Variants in CRACD observed in about 807,000 individuals in gnomAD.
CRACD encodes the protein capping protein inhibiting regulator of actin dynamics.
In CRACD, 56 loss-of-function variants were observed where a neutral mutation model predicts 106.8. The ratio of observed to expected loss-of-function variants is 0.52; its 90% CI spans 0.42 to 0.66. The LOEUF (loss-of-function observed/expected upper bound fraction) is 0.66, where lower values mean the gene tolerates loss of function less well. Among genes scored for constraint, CRACD ranks in the 30% least tolerant of loss-of-function variants. The probability of loss-of-function intolerance (pLI) is 0.00; values close to 1 mark genes in which losing one functional copy is unlikely to be tolerated. For synonymous variants in CRACD, 754 were observed against 670.8 expected, an observed-to-expected ratio of 1.12 and a Z score of -1.92; for missense variants, 1,730 against 1,623.2, an observed-to-expected ratio of 1.07 and a Z score of -1.13.
intron 1 of CRACD, among the ~76,000 whole-genome samples, chr4:56,111,342 G>A (rs780706455): frequency 1.4e-4 from 20 of 145,450 alleles, no homozygotes; most frequent in Non-Finnish European, 2.7e-4. Context: ...ATGTGAACGT[G>A]GTTGCCTCTG....
Position 56,314,376 on chromosome 4 carries a change from C to A in CRACD, c.874C>A (p.Gln292Lys). Residue 292 changes from glutamine to lysine, a missense_variant, in exon 8 of 11, where the codon CAG becomes AAG. Physicochemically the swap from Gln to Lys is moderately conservative, Grantham distance 53 (BLOSUM62 1). Around this residue, in one of 5 missense-constraint regions of CRACD, gnomAD observed 1,620 missense variants for 1,481.6 expected, o/e 1.09. Transcript: ENST00000682029. The surrounding 1 kb of genome is among the most constrained non-coding windows in gnomAD (Gnocchi z 4.4). ...GGAAAGGGCGCCGCGGGAAGAGCAG[C>A]AGCGGAGCCTGGAAGCGCCAGGTTG... ...EAERAPREEQ[Q>K]RSLEAPGWED... 6.5e-7 allele frequency: 1 copy of A among 1,546,068 alleles called. No individual in the cohort carries two copies. Among genetic ancestry groups the A allele is most frequent in the Non-Finnish European group, 8.7e-7 (1 of 1,145,608 alleles).
chr4:56,116,587 A>G (rs1049687688), intron 1 of CRACD, among the ~76,000 whole-genome samples: 7 of 152,204 alleles, frequency 4.6e-5, no homozygotes, highest in Non-Finnish European at 7.3e-5. Flanking sequence ...CAAGTTTGTC[A>G]AATCTGTGCT....
intron 1 of CRACD, among the ~76,000 whole-genome samples, chr4:56,171,070 A>G (rs1441368236): frequency 6.6e-6 from 1 of 152,196 alleles, no homozygotes; most frequent in African/African-American, 2.4e-5. Context: ...GAAAGAAACA[A>G]ATAAGATTTT....
rs1180325120 is a variant in CRACD, at chr4:56,314,486, A to G, written c.984A>G (p.Gln328=). 2.0e-6 allele frequency: 3 copies of G among 1,523,210 alleles called. No individual in the cohort carries two copies. The highest frequency in any genetic ancestry group is 2.5e-5 in the East Asian group (1 of 40,708). 94.4% of individuals were successfully genotyped at this position (1,523,210 alleles called of 1,614,324 possible). ...GAAGGCGTCTGCAGGCCCAGGCCCAAGCGGAGGAGAGGCGGCGGCTGGAGG... is the reference window on the plus strand; with the variant it reads ...GAAGGCGTCTGCAGGCCCAGGCCCAGGCGGAGGAGAGGCGGCGGCTGGAGG... ...EERRRLQAQA[Q]AEERRRLEED... Residue 328 remains glutamine (Q), a synonymous_variant, in exon 8 of 11, where the codon CAA becomes CAG. Transcript: ENST00000682029. This position sits in a 1 kb window ranked among gnomAD's most constrained non-coding sequence, Gnocchi z 4.4.
At chr4:56,106,314 C>A (rs1733947902) in intron 1 of CRACD, among the ~76,000 whole-genome samples, 1 of 152,194 alleles carries the variant, frequency 6.6e-6, no homozygotes, top group African/African-American at 2.4e-5. Context: ...GAATTATAAA[C>A]CGTAAACAAC....
intron 1 of CRACD, among the ~76,000 whole-genome samples, chr4:56,136,726 T>G (rs1735013195): frequency 6.6e-6 from 1 of 152,228 alleles, no homozygotes; most frequent in Non-Finnish European, 1.5e-5. Flanking sequence ...TGTTCTTAAC[T>G]GTATCTTTTG....
At chr4:56,280,808 A>G (rs1236635671) in intron 3 of CRACD, among the ~76,000 whole-genome samples, 1 of 152,210 alleles carries the variant, frequency 6.6e-6, no homozygotes, top group Non-Finnish European at 1.5e-5. Context: ...CATGTTACCA[A>G]TGAAGTTATA....
chr4:56,130,139 C>T (rs1271298219), intron 1 of CRACD, among the ~76,000 whole-genome samples: 1 of 152,022 alleles, frequency 6.6e-6, no homozygotes, highest in South Asian at 2.1e-4. Flanking sequence ...GATATGGTGG[C>T]ACCCACCTGT....
At chr4:56,248,474 A>T (rs1232904016) in intron 2 of CRACD, among the ~76,000 whole-genome samples, 1 of 151,590 alleles carries the variant, frequency 6.6e-6, no homozygotes, top group East Asian at 2.0e-4. Context: ...AAAAATTAAG[A>T]TGCCATCAAG....
At chr4:56,179,619 A>G (rs570480012) in intron 2 of CRACD, among the ~76,000 whole-genome samples, 189 bp downstream of exon 2, 3 of 152,316 alleles carry the variant, frequency 2.0e-5, no homozygotes, top group Admixed American at 1.3e-4. Flanking sequence ...CAGCTGAGTC[A>G]ACTTGGACAA....
intron 2 of CRACD, among the ~76,000 whole-genome samples, chr4:56,243,577 G>A (rs1740496105): frequency 6.6e-6 from 1 of 152,090 alleles, no homozygotes; most frequent in African/African-American, 2.4e-5. Flanking sequence ...CTCCAAAATA[G>A]CATATTATCC....
chr4:56,306,878 G>A (rs1192613459), intron 4 of CRACD, among the ~76,000 whole-genome samples: 3 of 152,166 alleles, frequency 2.0e-5, no homozygotes, highest in South Asian at 4.1e-4. Flanking sequence ...CAAAGAGGAC[G>A]TCCAGATTGT....
chr4:56,062,781 G>GAATGGA, intron 1 of CRACD, among the ~76,000 whole-genome samples: 1 of 152,286 alleles, frequency 6.6e-6, no homozygotes, highest in South Asian at 2.1e-4. Context: ...CCTTGAAGAC[G>GAATGGA]GTTGCAAGGA....
intron 1 of CRACD, among the ~76,000 whole-genome samples, chr4:56,055,737 T>C (rs551925550): frequency 1.9e-4 from 29 of 152,198 alleles, no homozygotes; most frequent in Non-Finnish European, 4.0e-4. Flanking sequence ...GTTAACTGTC[T>C]TCTAGAGTTA....
chr4:56,301,106 C>T (rs941015119), intron 4 of CRACD: 24 of 565,096 alleles, frequency 4.2e-5, no homozygotes, highest in Non-Finnish European at 6.4e-5. Flanking sequence ...ACATAAAAGG[C>T]TTTGTTCATT....
chr4:56,074,135 T>C (rs1273464955), intron 1 of CRACD, among the ~76,000 whole-genome samples: 1 of 130,278 alleles, frequency 7.7e-6, no homozygotes, highest in Non-Finnish European at 1.6e-5. Flanking sequence ...CTAGCTTTGT[T>C]CTTTTTTGCT....
At chr4:56,083,384 TGG>T (rs1733102466) in intron 1 of CRACD, among the ~76,000 whole-genome samples, 1 of 152,224 alleles carries the variant, frequency 6.6e-6, no homozygotes, top group Admixed American at 6.5e-5. Flanking sequence ...CTGCCAAAAG[TGG>T]TTATTTCTCC....
intron 2 of CRACD, among the ~76,000 whole-genome samples, chr4:56,263,745 T>C (rs1232056819): frequency 6.6e-6 from 1 of 152,210 alleles, no homozygotes; most frequent in African/African-American, 2.4e-5. Context: ...AAAGATCAAT[T>C]CACACATGGG....
In CRACD at chr4:56,251,777, A is replaced by G. The variant is rs75548646; in HGVS notation, c.-188-20544A>G. 1.4e-4 allele frequency among the ~76,000 whole-genome samples: 22 copies of G among 152,340 alleles called. No individual in the cohort carries two copies. In the East Asian group the frequency reaches 4.3e-3, roughly 29 times the overall value. ...GGCAGCTCTCAGCTTGTTTTTGCAT[A>G]CAATGCTTTTGCTTCATTTAGGCAG... On this transcript the variant is annotated intron_variant, in intron 2 of 10. Transcript: ENST00000682029.
Sources: allele counts gnomAD v4.1 joint callset (sites outside exome capture counted in the v4.1 genomes callset), GRCh38; gene constraint gnomAD v4.1.1; regional missense constraint gnomAD v4.1.1; non-coding constraint Gnocchi (gnomAD v3.1); transcripts MANE v1.5; gene names NCBI Gene and HGNC (gene_info 2026-07-23, HGNC 2026-07-21).